The following RBFOX1 variants were observed in gnomAD, a reference collection of about 807,000 sequenced individuals.
The protein encoded by RBFOX1 is RNA binding fox-1 homolog 1, also known as RNA binding protein fox-1 homolog 1.
Under a neutral mutation model 57.7 loss-of-function variants are expected in RBFOX1, and 8 were observed. That is an observed-to-expected ratio of 0.14 (90% confidence interval 0.08 to 0.25). The LOEUF (loss-of-function observed/expected upper bound fraction) is 0.25. Among genes scored for constraint, RBFOX1 ranks in the 10% least tolerant of loss-of-function variants. The pLI is 1.00. For synonymous variants in RBFOX1, 326 were observed against 222.4 expected (o/e 1.47, Z -4.15); for missense variants, 611 against 548.5 (o/e 1.11, Z -1.14).
chr16:6,060,464 A>G (rs1463395497), intron 1 of RBFOX1, among the ~76,000 whole-genome samples: 1 of 152,160 alleles, frequency 6.6e-6, no homozygotes, highest in African/African-American at 2.4e-5. Context: ...AGCTTCCTAC[A>G]ATAACCTTAT....
chr16:6,497,785 G>A (rs1331491652), intron 2 of RBFOX1, among the ~76,000 whole-genome samples: 1 of 151,886 alleles, frequency 6.6e-6, no homozygotes, highest in Non-Finnish European at 1.5e-5. Flanking sequence ...TCGAACTCCT[G>A]ACCTCAAGTG....
At chr16:5,543,194 A>C (rs1005238041) in intron 2 of RBFOX1, among the ~76,000 whole-genome samples, 3 of 152,234 alleles carry the variant, frequency 2.0e-5, no homozygotes, top group Non-Finnish European at 4.4e-5. Context: ...TATCAAGCCC[A>C]AAGAAGTTGC....
chr16:5,735,229 C>G (rs186200957), intron 3 of RBFOX1, among the ~76,000 whole-genome samples: 1 of 152,154 alleles, frequency 6.6e-6, no homozygotes, highest in African/African-American at 2.4e-5. Flanking sequence ...AGGAAGGGGT[C>G]AGGACCCTCC....
At chr16:6,424,380 C>G (rs867898807) in intron 2 of RBFOX1, among the ~76,000 whole-genome samples, 14 of 152,194 alleles carry the variant, frequency 9.2e-5, no homozygotes, top group African/African-American at 3.1e-4. Context: ...CCACTGGGTG[C>G]TTCCATTATA....
intron 1 of RBFOX1, among the ~76,000 whole-genome samples, chr16:6,025,306 C>T (rs1366233305): frequency 6.6e-6 from 1 of 152,202 alleles, no homozygotes; most frequent in African/African-American, 2.4e-5. Context: ...GATTCCCCAC[C>T]ACCACCTACT....
rs1012995413 is a variant in RBFOX1 at position 6,019,324 on chromosome 16, C to T, written c.-795C>T. 54 of 985,028 alleles carry T rather than the reference C, an allele frequency of 5.5e-5. No individual in the cohort carries two copies. Among genetic ancestry groups the T allele is most frequent in the Non-Finnish European group, 6.5e-5 (54 of 830,182 alleles). The allele number at this position is 985,028 out of a possible 1,614,324, so 61.0% of individuals were successfully genotyped here. ...ACCTCCTTTCCAGTCCCCGTGCGAG[C>T]CGCGCTGCCGCCGCCTCCTCCAGCC... On this transcript the variant is annotated 5_prime_UTR_variant, in exon 1 of 16. Coordinates refer to ENST00000550418, the MANE Select transcript of RBFOX1 (RefSeq NM_018723.4). This position sits in a 1 kb window ranked among gnomAD's most constrained non-coding sequence, Gnocchi z 4.2.
intron 4 of RBFOX1, among the ~76,000 whole-genome samples, chr16:5,913,131 G>C (rs1306612146): frequency 2.0e-5 from 3 of 152,202 alleles, no homozygotes; most frequent in Non-Finnish European, 4.4e-5. Flanking sequence ...TCTTGGTCTA[G>C]AAATTCAGCT....
chr16:7,667,625 G>A (rs747411656), intron 13 of RBFOX1, among the ~76,000 whole-genome samples: 48 of 152,100 alleles, frequency 3.2e-4, no homozygotes, highest in African/African-American at 1.1e-3. Flanking sequence ...AATTGTCAGC[G>A]GCCCCGGGAT....
intron 2 of RBFOX1, among the ~76,000 whole-genome samples, chr16:6,448,132 TC>T (rs2094521934): frequency 6.7e-6 from 1 of 148,212 alleles, no homozygotes; most frequent in Non-Finnish European, 1.5e-5. Flanking sequence ...CAGACATTTT[TC>T]TTTTTTTTCT....
At chr16:7,370,806 C>A (rs561433446) in intron 4 of RBFOX1, among the ~76,000 whole-genome samples, 42 of 152,238 alleles carry the variant, frequency 2.8e-4, no homozygotes, top group Non-Finnish European at 5.1e-4. Flanking sequence ...TTGCTAATTG[C>A]AGGACTGTTG....
In RBFOX1 at chr16:7,387,422, G is replaced by T. The variant is rs1005333079; in HGVS notation, c.28-130725G>T. Reference sequence around the variant, plus strand: ...AGGCCGTCAGTCACTGGATCGTACTGACATGATATTCATTCATATACCCCT... The same window carrying T: ...AGGCCGTCAGTCACTGGATCGTACTTACATGATATTCATTCATATACCCCT... On this transcript the variant is annotated intron_variant, in intron 4 of 15. Coordinates refer to ENST00000550418, the MANE Select transcript of RBFOX1 (RefSeq NM_018723.4). Among the ~76,000 whole-genome samples, 26 of 152,130 alleles carry T rather than the reference G, an allele frequency of 1.7e-4. 1 individual carries two copies. The highest frequency in any genetic ancestry group is 1.4e-3 in the Admixed American group (21 of 15,278).
chr16:6,918,534 C>G (rs533162553), intron 3 of RBFOX1, among the ~76,000 whole-genome samples: 62 of 152,242 alleles, frequency 4.1e-4, no homozygotes, highest in African/African-American at 1.5e-3. Flanking sequence ...TTTCATGTTG[C>G]AATTCCCTCC....
chr16:7,087,057 T>C (rs1170894740), intron 4 of RBFOX1, among the ~76,000 whole-genome samples: 3 of 152,144 alleles, frequency 2.0e-5, no homozygotes, highest in African/African-American at 7.2e-5. Flanking sequence ...TAGATGGCTG[T>C]AGACAAGTGT....
At chr16:6,904,300 T>C (rs1017577873) in intron 3 of RBFOX1, among the ~76,000 whole-genome samples, 4 of 152,060 alleles carry the variant, frequency 2.6e-5, no homozygotes, top group African/African-American at 9.7e-5. Context: ...GGTAGGCTTA[T>C]GAAACCCATC....
intron 3 of RBFOX1, among the ~76,000 whole-genome samples, chr16:6,958,265 C>T (rs1436897685): frequency 6.6e-6 from 1 of 152,174 alleles, no homozygotes. Context: ...GCAGGCTGGG[C>T]AATGCTTTGC....
At chr16:5,616,090 C>G (rs1343879389) in intron 3 of RBFOX1, 1 of 152,654 alleles carries the variant, frequency 6.6e-6, no homozygotes, top group Non-Finnish European at 1.5e-5. Flanking sequence ...CACCTGTAAG[C>G]TAAGCCCTGA....
At chr16:7,031,130 G>T (rs946733397) in intron 3 of RBFOX1, among the ~76,000 whole-genome samples, 4 of 152,184 alleles carry the variant, frequency 2.6e-5, no homozygotes, top group Admixed American at 2.6e-4. Flanking sequence ...GCAACTGCAG[G>T]TATGCTGCAG....
chr16:5,579,326 A>G (rs1015062302), intron 2 of RBFOX1, among the ~76,000 whole-genome samples: 2 of 151,938 alleles, frequency 1.3e-5, no homozygotes, highest in Non-Finnish European at 2.9e-5. Flanking sequence ...TTCACTTTCC[A>G]GTCCTAGGAA....
chr16:5,493,399 C>G (rs895325011), intron 2 of RBFOX1, among the ~76,000 whole-genome samples: 1 of 152,120 alleles, frequency 6.6e-6, no homozygotes, highest in Admixed American at 6.5e-5. Context: ...CCCTCCGCAC[C>G]CTCTGTGTGT....
Sources: allele counts gnomAD v4.1 joint callset (sites outside exome capture counted in the v4.1 genomes callset), GRCh38; gene constraint gnomAD v4.1.1; non-coding constraint Gnocchi (gnomAD v3.1); transcripts MANE v1.5; gene names NCBI Gene and HGNC (gene_info 2026-07-23, HGNC 2026-07-21).